Variants in RBMS1 observed in about 807,000 individuals in gnomAD.
RBMS1 encodes the protein RNA binding motif single stranded interacting protein 1.
Under a neutral mutation model 62.3 loss-of-function variants are expected in RBMS1, and 17 were observed. The ratio of observed to expected loss-of-function variants is 0.27; its 90% confidence interval spans 0.19 to 0.41. The LOEUF is 0.41. RBMS1 is among the 10% of genes least tolerant of loss of function. The pLI is 1.00. For missense variants in RBMS1, 334 were observed against 504.5 expected, an observed-to-expected ratio of 0.66 and a Z score of 3.24; for synonymous variants, 172 against 170.0, an observed-to-expected ratio of 1.01 and a Z score of -0.09.
At chr2:160,324,905 T>TATATATAC (rs1553508414) in intron 2 of RBMS1, among the ~76,000 whole-genome samples, 7 of 118,692 alleles carry the variant, frequency 5.9e-5, no homozygotes, top group Non-Finnish European at 1.0e-4. Context: ...TATATATATA[T>TATATATAC]ATACACACAC....
intron 1 of RBMS1, chr2:160,402,192 C>A (rs577571935): frequency 5.4e-4 from 82 of 152,208 alleles, no homozygotes; most frequent in African/African-American, 1.9e-3. Flanking sequence ...GAAACTCAGA[C>A]TTAGGGAGGT....
intron 1 of RBMS1, among the ~76,000 whole-genome samples, chr2:160,462,368 T>G (rs1271048964): frequency 6.6e-6 from 1 of 152,102 alleles, no homozygotes; most frequent in Non-Finnish European, 1.5e-5. Context: ...AGGCCTTTAA[T>G]GTTAACATAT....
At chr2:160,453,671 A>G (rs1684093436) in intron 1 of RBMS1, among the ~76,000 whole-genome samples, 1 of 152,016 alleles carries the variant, frequency 6.6e-6, no homozygotes, top group Non-Finnish European at 1.5e-5. Context: ...TCTCATTCCC[A>G]TGCTTCAAAC....
chr2:160,328,385 T>C (rs959376089), intron 2 of RBMS1, among the ~76,000 whole-genome samples: 5 of 150,998 alleles, frequency 3.3e-5, no homozygotes, highest in Non-Finnish European at 5.9e-5. Flanking sequence ...GAGACACAAC[T>C]TTTTTGTAAC....
At chr2:160,362,401 AT>A (rs1332408124) in intron 2 of RBMS1, among the ~76,000 whole-genome samples, 3 of 152,198 alleles carry the variant, frequency 2.0e-5, no homozygotes, top group Non-Finnish European at 4.4e-5. Context: ...AAAGTGATAG[AT>A]GGGAGATTCT....
chr2:160,341,914 G>A (rs538102294), intron 2 of RBMS1, among the ~76,000 whole-genome samples: 5 of 152,160 alleles, frequency 3.3e-5, no homozygotes, highest in South Asian at 2.1e-4. Context: ...CTAAAATTTC[G>A]TTTTGCAGTC....
intron 2 of RBMS1, among the ~76,000 whole-genome samples, chr2:160,360,304 C>T (rs1693054103): frequency 1.3e-5 from 2 of 152,144 alleles, no homozygotes; most frequent in African/African-American, 4.8e-5. Context: ...TTCCCTCTCA[C>T]CTATGAGAGT....
In RBMS1 at chr2:160,288,765, T is replaced by C. The variant is rs566890370; in HGVS notation, c.641-1681A>G. On this transcript the variant is annotated intron_variant, in intron 6 of 13. Coordinates refer to ENST00000348849, the MANE Select transcript of RBMS1 (RefSeq NM_016836.4). ...GTGCTGGTACATAGTGGGTCTTCTCTAAAACGAGGTGCTTTTATCTAGAGG... is the reference window on the plus strand; with the variant it reads ...GTGCTGGTACATAGTGGGTCTTCTCCAAAACGAGGTGCTTTTATCTAGAGG... 3.9e-5 allele frequency among the ~76,000 whole-genome samples: 6 copies of C among 152,340 alleles called. No individual in the cohort carries two copies. The South Asian group carries it at 1.2e-3, about 32-fold the overall frequency.
At chr2:160,360,748 A>G (rs1693083905) in intron 2 of RBMS1, among the ~76,000 whole-genome samples, 1 of 152,162 alleles carries the variant, frequency 6.6e-6, no homozygotes, top group African/African-American at 2.4e-5. Context: ...CCTTCCTGAA[A>G]GCTACCCCAA....
At position 160,299,951 on chromosome 2, in the gene RBMS1, GTGAAT is replaced by G. The variant is rs1327869975; in HGVS notation, c.640+695_640+699del. 2.6e-5 allele frequency among the ~76,000 whole-genome samples: 4 copies of G among 152,292 alleles called. No individual in the cohort carries two copies. In the East Asian group the frequency reaches 7.7e-4, roughly 29 times the overall value. ...CATGGATATAACAGGAGTGGTGTGC[GTGAAT>G]TACAGCAGGATTAATTCAGGTTCAG... On this transcript the variant is annotated intron_variant, in intron 6 of 13. Transcript: ENST00000348849.
intron 1 of RBMS1, chr2:160,402,077 C>T (rs1695455525): frequency 1.3e-5 from 2 of 152,140 alleles, no homozygotes; most frequent in South Asian, 2.1e-4. Context: ...ACAGAAGTCT[C>T]CTAGGACCAC....
intron 4 of RBMS1, among the ~76,000 whole-genome samples, chr2:160,311,830 A>G (rs1689940652): frequency 6.6e-6 from 1 of 152,224 alleles, no homozygotes; most frequent in Admixed American, 6.5e-5. Flanking sequence ...TAAAAAATTT[A>G]ATTAATTACA....
intron 1 of RBMS1, among the ~76,000 whole-genome samples, chr2:160,482,803 CAAAG>C (rs1308250709): frequency 1.3e-5 from 2 of 152,236 alleles, no homozygotes; most frequent in African/African-American, 2.4e-5. Flanking sequence ...GAAGAGGAAA[CAAAG>C]AAAGGTGCTG....
chr2:160,392,770 C>T (rs930811289), intron 1 of RBMS1, among the ~76,000 whole-genome samples: 4 of 151,954 alleles, frequency 2.6e-5, no homozygotes, highest in African/African-American at 4.8e-5. Flanking sequence ...TGTGTGCCTG[C>T]GGTCCCAGCT....
In RBMS1 at chr2:160,284,762, T is replaced by C. The variant is rs1023099857; in HGVS notation, c.900+13A>G. ...AAGTGGTTATACTGCTGACGAATCC[T>C]AAAGGTACAAACCTGGTAGGCAGAT... On this transcript the variant is annotated intron_variant, in intron 9 of 13. Coordinates refer to ENST00000348849, the MANE Select transcript of RBMS1 (RefSeq NM_016836.4). 7 of 1,555,782 alleles carry C rather than the reference T, an allele frequency of 4.5e-6. No individual in the cohort carries two copies. The South Asian group carries it at 7.8e-5, about 17-fold the overall frequency.
chr2:160,355,942 C>A (rs1341252875), intron 2 of RBMS1, among the ~76,000 whole-genome samples: 2 of 151,598 alleles, frequency 1.3e-5, no homozygotes, highest in Non-Finnish European at 2.9e-5. Flanking sequence ...TGTTAAATTA[C>A]AAAAAAAATG....
chr2:160,442,444 G>A (rs1683448225), intron 1 of RBMS1, among the ~76,000 whole-genome samples: 1 of 152,116 alleles, frequency 6.6e-6, no homozygotes, highest in Admixed American at 6.5e-5. Context: ...AAACACCTTA[G>A]TTTACATGTA....
chr2:160,492,992 C>T, intron 1 of RBMS1: 1 of 325,948 alleles, frequency 3.1e-6, no homozygotes, highest in Non-Finnish European at 5.6e-6. Flanking sequence ...CGAGGGGCGC[C>T]GCTCGACCCC....
At chr2:160,410,370 G>A (rs1037542683) in intron 1 of RBMS1, among the ~76,000 whole-genome samples, 1 of 151,890 alleles carries the variant, frequency 6.6e-6, no homozygotes, top group African/African-American at 2.4e-5. Context: ...AATGTCCACC[G>A]GGGTTCAAAA....
Sources: gnomAD v4.1 joint callset for allele counts (sites outside exome capture counted in the v4.1 genomes callset) on GRCh38, gnomAD v4.1.1 for gene constraint, MANE v1.5 for transcripts, NCBI Gene and HGNC (gene_info 2026-07-23, HGNC 2026-07-21) for gene names.